Variants in PTPRF observed in about 807,000 individuals in gnomAD.
PTPRF encodes the protein protein tyrosine phosphatase receptor type F.
Under a neutral mutation model 201.8 loss-of-function variants are expected in PTPRF, and 59 were observed. The observed-to-expected ratio is 0.29, with a 90% CI of 0.24 to 0.36. The LOEUF (loss-of-function observed/expected upper bound fraction) is 0.36. Among genes scored for constraint, PTPRF ranks in the 10% least tolerant of loss-of-function variants. The pLI is 1.00. For missense variants in PTPRF, 2,132 were observed against 2,690.5 expected (o/e 0.79, Z 4.59); for synonymous variants, 1,088 against 1,089.7 (o/e 1.00, Z 0.03).
chr1:43,606,523 G>T, intron 20 of PTPRF, 65 bp downstream of exon 20: 14 of 1,453,382 alleles, frequency 9.6e-6, no homozygotes, highest in Non-Finnish European at 1.2e-5. Flanking sequence ...GACGATGCCA[G>T]TCTCAAACAC....
chr1:43,593,719 T>A (rs1651482024), intron 11 of PTPRF, among the ~76,000 whole-genome samples: 1 of 80,904 alleles, frequency 1.2e-5, no homozygotes, highest in Non-Finnish European at 3.0e-5. Flanking sequence ...GCACGGTGGC[T>A]CACACCTGTA....
At chr1:43,560,581 T>G (rs1645739073) in intron 5 of PTPRF, among the ~76,000 whole-genome samples, 1 of 152,148 alleles carries the variant, frequency 6.6e-6, no homozygotes, top group South Asian at 2.1e-4. Flanking sequence ...AGTCTGGCAC[T>G]GGCAGGAGGT....
chr1:43,545,595 G>C (rs1569599892), intron 3 of PTPRF, among the ~76,000 whole-genome samples: 2 of 152,094 alleles, frequency 1.3e-5, no homozygotes, highest in Admixed American at 6.5e-5. Context: ...TGTGTCCATA[G>C]GCCCAAGGAG....
upstream of PTPRF, among the ~76,000 whole-genome samples, chr1:43,529,553 CTT>C (rs915134969): frequency 1.2e-4 from 18 of 152,008 alleles, no homozygotes; most frequent in African/African-American, 4.3e-4. Flanking sequence ...AACCTCATCT[CTT>C]TTTCTGCTCA....
intron 1 of PTPRF, among the ~76,000 whole-genome samples, chr1:43,536,633 C>G (rs1462992591): frequency 6.6e-6 from 1 of 152,232 alleles, no homozygotes; most frequent in Non-Finnish European, 1.5e-5. Flanking sequence ...TACTGTGAGG[C>G]CCTGCGGGCA....
chr1:43,527,458 T>C (rs1643166671), upstream of PTPRF, among the ~76,000 whole-genome samples: 1 of 152,254 alleles, frequency 6.6e-6, no homozygotes, highest in African/African-American at 2.4e-5. Flanking sequence ...GGTTTGTATC[T>C]AGTTCCAGAT....
In PTPRF at chr1:43,598,706, A is replaced by C. The variant is rs776856685; in HGVS notation, c.2120-14A>C. The C allele has an allele frequency of 1.9e-6, 3 of 1,608,446 alleles. No individual in the cohort carries two copies. The highest frequency in any genetic ancestry group is 1.7e-5 in the Admixed American group (1 of 59,790). On this transcript the variant is annotated splice_polypyrimidine_tract_variant and intron_variant, in intron 12 of 33. Transcript: ENST00000359947. ...ACCTCCAGGCCTGACTTCCTTCTCT[A>C]CCTGACCCCCCAGTGCCCAGCGGGC...
Position 43,622,157 on chromosome 1 carries a change from C to CCTAGAA in PTPRF, c.*155_*156insTAGAAC. ...GGATCACAGCGTTTCAGGAACGTTGCCACACCAATCAGAGAGCCTAGAACA... is the reference window on the plus strand; with the variant it reads ...GGATCACAGCGTTTCAGGAACGTTGCCTAGAACACACCAATCAGAGAGCCTAGAACA... On this transcript the variant is annotated 3_prime_UTR_variant, in exon 34 of 34. Transcript: ENST00000359947. 1 of 765,170 alleles carries CCTAGAA rather than the reference C, an allele frequency of 1.3e-6. No individual in the cohort carries two copies. The highest frequency in any genetic ancestry group is 1.7e-5 in the South Asian group (1 of 58,954). The allele number at this position is 765,170 out of a possible 1,614,324, so 47.4% of individuals were successfully genotyped here. A position where few individuals can be genotyped will look rare whatever the true frequency, so the allele number is the denominator to read the frequency against.
At chr1:43,577,149 C>T (rs528746911) in intron 6 of PTPRF, among the ~76,000 whole-genome samples, 1 of 152,304 alleles carries the variant, frequency 6.6e-6, no homozygotes, top group South Asian at 2.1e-4. Flanking sequence ...CTTTCTGCCC[C>T]AAGCCTGTGG....
At chr1:43,529,642 G>A (rs568874620), upstream of PTPRF, among the ~76,000 whole-genome samples, 1 of 152,084 alleles carries the variant, frequency 6.6e-6, no homozygotes, top group South Asian at 2.1e-4. Context: ...GGGGAGGAGG[G>A]GTGGGGTAGA....
chr1:43,603,000 C>T (rs1557825574), intron 14 of PTPRF, among the ~76,000 whole-genome samples: 1 of 152,188 alleles, frequency 6.6e-6, no homozygotes, highest in African/African-American at 2.4e-5. Flanking sequence ...GCACTGGTGT[C>T]CACAGGCAGC....
At chr1:43,571,646 A>C (rs1326458681) in intron 6 of PTPRF, among the ~76,000 whole-genome samples, 4 of 152,148 alleles carry the variant, frequency 2.6e-5, no homozygotes. Flanking sequence ...CTGCTGCGTC[A>C]GTCCTATCCC....
chr1:43,609,504 G>T lies in PTPRF; in HGVS notation c.3973+6G>T, dbSNP rs750061668. ...GCTCAACTACCAGACCCCAGGTAGGGCACTCCTATGGCCTGTGTGCCCCCA... is the reference window on the plus strand; with the variant it reads ...GCTCAACTACCAGACCCCAGGTAGGTCACTCCTATGGCCTGTGTGCCCCCA... On this transcript the variant is annotated splice_donor_region_variant and intron_variant, in intron 22 of 33. Coordinates refer to ENST00000359947, the MANE Select transcript of PTPRF (RefSeq NM_002840.5). 6.2e-7 allele frequency: 1 copy of T among 1,608,614 alleles called. No homozygotes were observed. Among genetic ancestry groups the T allele is most frequent in the East Asian group, 2.2e-5 (1 of 44,698 alleles).
chr1:43,589,063 C>T (rs1189203494), intron 8 of PTPRF, 63 bp downstream of exon 8: 7 of 1,453,378 alleles, frequency 4.8e-6, no homozygotes, highest in Non-Finnish European at 6.4e-6. Context: ...TGGTGGTGGG[C>T]GAATGTGAGC....
At chr1:43,604,524 C>T (rs561744488) in intron 16 of PTPRF, among the ~76,000 whole-genome samples, 6 of 152,230 alleles carry the variant, frequency 3.9e-5, no homozygotes, top group South Asian at 4.1e-4. Context: ...CATGACCCAC[C>T]GACCTCTAGT....
At chr1:43,585,556 G>A (rs1023071868) in intron 7 of PTPRF, among the ~76,000 whole-genome samples, 1 of 152,102 alleles carries the variant, frequency 6.6e-6, no homozygotes, top group African/African-American at 2.4e-5. Flanking sequence ...CTTATGCCTA[G>A]CCCCTAGAGC....
chr1:43,598,474 C>T (rs12069454), intron 12 of PTPRF: 154,560 of 517,836 alleles, frequency 0.3, 25,213 homozygotes, highest in East Asian at 0.41. Context: ...TCCCCCATGT[C>T]GACCCTCCCC....
chr1:43,609,407 T>G lies in PTPRF; in HGVS notation c.3882T>G (p.Ser1294=). The part of the protein sequence containing the change: ...FKRKRTHSPS[S]KDEQSIGLKD... Reference sequence around the variant, plus strand: ...GGAAAAGGACCCACTCTCCGTCCTCTAAGGATGAGCAGTCGATCGGACTGA... The same window carrying G: ...GGAAAAGGACCCACTCTCCGTCCTCGAAGGATGAGCAGTCGATCGGACTGA... Residue 1294 remains serine, a synonymous_variant, in exon 22 of 34, where the codon TCT becomes TCG. Coordinates refer to ENST00000359947, the MANE Select transcript of PTPRF (RefSeq NM_002840.5). 6.2e-7 allele frequency: 1 copy of G among 1,614,026 alleles called. No homozygotes were observed.
chr1:43,529,298 C>T (rs946560433), upstream of PTPRF, among the ~76,000 whole-genome samples: 1 of 152,172 alleles, frequency 6.6e-6, no homozygotes, highest in African/African-American at 2.4e-5. Context: ...TCCTCATACG[C>T]CAGGGGGCGC....
Sources: allele counts gnomAD v4.1 joint callset (sites outside exome capture counted in the v4.1 genomes callset), GRCh38; gene constraint gnomAD v4.1.1; transcripts MANE v1.5; gene names NCBI Gene and HGNC (gene_info 2026-07-23, HGNC 2026-07-21).